The following GRIN2A variants were observed in gnomAD, a reference collection of about 807,000 sequenced individuals.
The protein encoded by GRIN2A is glutamate ionotropic receptor NMDA type subunit 2A.
GRIN2A carries 22 observed loss-of-function variants against 113.4 expected under a neutral mutation model. The observed-to-expected ratio is 0.19, with a 90% confidence interval of 0.14 to 0.28. The LOEUF is 0.28. Among genes scored for constraint, GRIN2A ranks in the 10% least tolerant of loss-of-function variants. GRIN2A has a pLI of 1.00. For missense variants in GRIN2A, 1,502 were observed against 1,887.0 expected (o/e 0.80, Z 3.78); for synonymous variants, 827 against 738.4 (o/e 1.12, Z -1.94).
Position 9,756,697 on chromosome 16 carries a change from C to T in GRIN2A, c.*6452G>A, listed in dbSNP as rs74011019. 2,719 of 187,376 alleles carry T rather than the reference C, an allele frequency of 0.015. 60 individuals are homozygous for T. Among genetic ancestry groups the T allele is most frequent in the African/African-American group, 0.059 (2,525 of 42,828 alleles). 11.6% of individuals were successfully genotyped at this position (187,376 alleles called of 1,614,324 possible). On this transcript the variant is annotated 3_prime_UTR_variant, in exon 13 of 13. Coordinates refer to ENST00000330684, the MANE Select transcript of GRIN2A (RefSeq NM_001134407.3). ...ACATTCTAGGATATGCCTAGAATAT[C>T]GCCTACACTCAATTTAGATATATTT...
In GRIN2A at chr16:9,885,706, G is replaced by A. The variant is rs114820676; in HGVS notation, c.1122+5280C>T. On this transcript the variant is annotated intron_variant, in intron 4 of 12. Coordinates refer to ENST00000330684, the MANE Select transcript of GRIN2A (RefSeq NM_001134407.3). ...AGTCTTTCCCCTCTGCTGACCTGCT[G>A]TACCAGCGTGTAGTGCTGGGGGGGC... Among the ~76,000 whole-genome samples, 1,051 of 149,594 alleles carry A rather than the reference G, an allele frequency of 7.0e-3. 9 individuals are homozygous for A. The highest frequency in any genetic ancestry group is 0.024 in the African/African-American group (976 of 40,462).
At chr16:10,037,257 T>C (rs1271319138) in intron 2 of GRIN2A, 1 of 152,198 alleles carries the variant, frequency 6.6e-6, no homozygotes, top group Non-Finnish European at 1.5e-5. Context: ...TTTCTTCCCA[T>C]TGCTTTCTTC....
chr16:9,800,900 A>T (rs1247146362), intron 10 of GRIN2A, among the ~76,000 whole-genome samples: 1 of 152,224 alleles, frequency 6.6e-6, no homozygotes, highest in Non-Finnish European at 1.5e-5. Flanking sequence ...ATGGAGAGTT[A>T]TACAAGGTCA....
intron 2 of GRIN2A, among the ~76,000 whole-genome samples, chr16:10,001,420 C>T (rs2046317362): frequency 6.6e-6 from 1 of 152,168 alleles, no homozygotes; most frequent in Non-Finnish European, 1.5e-5. Flanking sequence ...TGACCAGTGG[C>T]AAAGATGGCT....
At chr16:9,987,444 A>C (rs2046001281) in intron 2 of GRIN2A, among the ~76,000 whole-genome samples, 1 of 152,244 alleles carries the variant, frequency 6.6e-6, no homozygotes, top group African/African-American at 2.4e-5. Flanking sequence ...AATTCCACCT[A>C]TTCACTAAGA....
intron 2 of GRIN2A, among the ~76,000 whole-genome samples, chr16:10,093,651 T>G (rs991626418): frequency 2.0e-5 from 3 of 151,878 alleles, no homozygotes; most frequent in African/African-American, 7.3e-5. Flanking sequence ...TTGCAGTAGA[T>G]TGCATGATTG....
At chr16:9,868,549 G>T (rs2043202041) in intron 4 of GRIN2A, among the ~76,000 whole-genome samples, 1 of 152,156 alleles carries the variant, frequency 6.6e-6, no homozygotes, top group South Asian at 2.1e-4. Flanking sequence ...TTACAGGCAT[G>T]AGCCACCGTG....
intron 2 of GRIN2A, among the ~76,000 whole-genome samples, chr16:10,132,069 C>T (rs1016518777): frequency 6.6e-6 from 1 of 152,004 alleles, no homozygotes; most frequent in Non-Finnish European, 1.5e-5. Flanking sequence ...TGGTGGCTCG[C>T]GCCTGTAATC....
At chr16:10,093,063 C>T (rs1357125886) in intron 2 of GRIN2A, among the ~76,000 whole-genome samples, 4 of 152,014 alleles carry the variant, frequency 2.6e-5, no homozygotes, top group Non-Finnish European at 4.4e-5. Context: ...TGGCCTCAAA[C>T]TCCTGGCTCA....
At chr16:9,779,238 G>A (rs897389493) in intron 11 of GRIN2A, among the ~76,000 whole-genome samples, 14 of 152,212 alleles carry the variant, frequency 9.2e-5, no homozygotes, top group African/African-American at 3.1e-4. Context: ...CAGCCATTTG[G>A]GTGTGATGCT....
At chr16:9,868,175 C>T (rs981429547) in intron 4 of GRIN2A, among the ~76,000 whole-genome samples, 7 of 152,212 alleles carry the variant, frequency 4.6e-5, no homozygotes, top group African/African-American at 1.7e-4. Context: ...CTTCACCTCT[C>T]ACTGGTTTAT....
At chr16:9,852,585 T>G (rs1200212860) in intron 4 of GRIN2A, among the ~76,000 whole-genome samples, 1 of 152,110 alleles carries the variant, frequency 6.6e-6, no homozygotes, top group Non-Finnish European at 1.5e-5. Context: ...GCCAAGGAGG[T>G]TGAAGATGAG....
chr16:9,771,637 T>A (rs1026384362), intron 11 of GRIN2A, among the ~76,000 whole-genome samples: 2 of 151,548 alleles, frequency 1.3e-5, no homozygotes, highest in African/African-American at 4.9e-5. Flanking sequence ...TACTTCCTTG[T>A]GACGTCTGTA....
chr16:9,930,147 T>G (rs1341386046), intron 3 of GRIN2A, among the ~76,000 whole-genome samples: 2 of 152,160 alleles, frequency 1.3e-5, no homozygotes, highest in Non-Finnish European at 2.9e-5. Flanking sequence ...CCCAGCAAGC[T>G]CAGCCCACTC....
intron 12 of GRIN2A, 24 bp downstream of exon 12, chr16:9,768,827 A>T (rs778884926): frequency 6.5e-7 from 1 of 1,539,106 alleles, no homozygotes; most frequent in South Asian, 1.1e-5. Context: ...GCAGTGCAAG[A>T]AAGTAGCCAC....
rs1419344537 is a variant in GRIN2A, at chr16:9,769,092, G to A, written c.2357-3C>T. The A allele has an allele frequency of 6.2e-7, 1 of 1,608,846 alleles. No individual in the cohort carries two copies. The highest frequency in any genetic ancestry group is 8.5e-7 in the Non-Finnish European group (1 of 1,175,264). ...GGTCTCCAGCTCCTCCATCTCACCT[G>A]GACAGATCACAACATTCACAGGCAG... On this transcript the variant is annotated splice_polypyrimidine_tract_variant and splice_region_variant and intron_variant, in intron 11 of 12. Transcript: ENST00000330684.
intron 2 of GRIN2A, among the ~76,000 whole-genome samples, chr16:9,941,048 C>T (rs910511887): frequency 6.6e-6 from 1 of 152,146 alleles, no homozygotes; most frequent in Non-Finnish European, 1.5e-5. Flanking sequence ...TCAAAGGAAG[C>T]CAGTCACCAG....
At chr16:10,072,412 C>A (rs1053525370) in intron 2 of GRIN2A, among the ~76,000 whole-genome samples, 4 of 152,208 alleles carry the variant, frequency 2.6e-5, no homozygotes, top group African/African-American at 9.7e-5. Context: ...GGCTCCGATG[C>A]CTCTCAGCTT....
chr16:10,173,637 C>T (rs374553606), intron 2 of GRIN2A, among the ~76,000 whole-genome samples: 66 of 152,252 alleles, frequency 4.3e-4, no homozygotes, highest in Admixed American at 1.8e-3. Context: ...GTGTAACAAA[C>T]GCAAAGGGCA....
Sources: gnomAD v4.1 joint callset for allele counts (sites outside exome capture counted in the v4.1 genomes callset) on GRCh38, gnomAD v4.1.1 for gene constraint, MANE v1.5 for transcripts, NCBI Gene and HGNC (gene_info 2026-07-23, HGNC 2026-07-21) for gene names.